The following KAT14 variants were observed in gnomAD, a reference collection of about 807,000 sequenced individuals.
KAT14 encodes lysine acetyltransferase 14.
In KAT14, 66 loss-of-function variants were observed where a neutral mutation model predicts 78.4. That is an observed-to-expected ratio of 0.84 (90% CI 0.69 to 1.03). KAT14 has a LOEUF of 1.03. Ranked by LOEUF, KAT14 falls within the 50% of genes least tolerant of loss-of-function variation. The probability of loss-of-function intolerance (pLI) is 0.00; values close to 1 mark genes in which losing one functional copy is unlikely to be tolerated. For missense variants in KAT14, 870 were observed against 972.5 expected, an observed-to-expected ratio of 0.89 and a Z score of 1.40; for synonymous variants, 344 against 359.4, an observed-to-expected ratio of 0.96 and a Z score of 0.48.
chr20:18,177,488 G>C (rs1322596466), intron 7 of KAT14, among the ~76,000 whole-genome samples: 1 of 152,148 alleles, frequency 6.6e-6, no homozygotes, highest in African/African-American at 2.4e-5. Flanking sequence ...CGCTTAGTAG[G>C]GATGGAGGAA....
At chr20:18,158,483 T>G (rs1458771978) in intron 4 of KAT14, among the ~76,000 whole-genome samples, 1 of 152,228 alleles carries the variant, frequency 6.6e-6, no homozygotes, top group Non-Finnish European at 1.5e-5. Context: ...CCCGGATAGT[T>G]GGCATTTTGC....
chr20:18,152,236 A>G (rs1022090509), intron 4 of KAT14, among the ~76,000 whole-genome samples: 2 of 151,992 alleles, frequency 1.3e-5, no homozygotes, highest in African/African-American at 4.8e-5. Flanking sequence ...CGAGCCCAGG[A>G]GTTTGAAGCC....
At chr20:18,143,032 T>C in intron 2 of KAT14, 113 bp downstream of exon 2, 1 of 1,455,710 alleles carries the variant, frequency 6.9e-7, no homozygotes. Context: ...GATAATTATA[T>C]TTATTCTCTA....
chr20:18,168,838 G>A (rs1030492566), intron 7 of KAT14, among the ~76,000 whole-genome samples: 52 of 152,098 alleles, frequency 3.4e-4, no homozygotes, highest in Admixed American at 3.4e-3. Context: ...TCCTGAATGT[G>A]TGGTTTGGTG....
At chr20:18,175,150 T>C (rs1488035342) in intron 7 of KAT14, among the ~76,000 whole-genome samples, 1 of 152,036 alleles carries the variant, frequency 6.6e-6, no homozygotes, top group Admixed American at 6.6e-5. Flanking sequence ...AAACCATTTC[T>C]CCTCCTCTCT....
chr20:18,162,649 A>G lies in KAT14; in HGVS notation c.1372A>G (p.Arg458Gly). Residue 458 changes from arginine (R) to glycine (G), a missense_variant, in exon 7 of 11, where the codon AGG (arginine) becomes GGG (glycine). Transcript: ENST00000688188. ...GAAGGACACAAAGCCGAAAGAGCCC[A>G]GGTATACTCCCGTGAGCATCTACGA... ...LEKDTKPKEP[R>G]YTPVSIYEEK... 1 of 1,614,236 alleles carries G rather than the reference A, an allele frequency of 6.2e-7. No individual in the cohort carries two copies. Among genetic ancestry groups the G allele is most frequent in the Non-Finnish European group, 8.5e-7 (1 of 1,180,040 alleles).
chr20:18,184,657 T>TA lies in KAT14; in HGVS notation c.2043dup (p.Val682SerfsTer11), dbSNP rs2039393267. The TA allele has an allele frequency of 1.2e-6, 2 of 1,613,872 alleles. No homozygotes were observed. Among genetic ancestry groups the TA allele is most frequent in the African/African-American group, 1.3e-5 (1 of 74,896 alleles). ...CAGACTTCAGTGTTGTTGTTCTTTATAAAAAAGTCATCATTGCCTTTGGCT... is the reference window on the plus strand; with the variant it reads ...CAGACTTCAGTGTTGTTGTTCTTTATAAAAAAAGTCATCATTGCCTTTGGCT... On this transcript the variant is annotated frameshift_variant, in exon 10 of 11. Coordinates refer to ENST00000688188, the MANE Select transcript of KAT14 (RefSeq NM_001392073.1). LOFTEE classifies it high-confidence loss of function.
chr20:18,180,067 C>G (rs1256775478), intron 7 of KAT14, among the ~76,000 whole-genome samples: 1 of 152,072 alleles, frequency 6.6e-6, no homozygotes, highest in Non-Finnish European at 1.5e-5. Context: ...CAGGGTTTCA[C>G]CATGTTGGCC....
chr20:18,141,909 T>A (rs1331263097), intron 1 of KAT14, among the ~76,000 whole-genome samples: 1 of 152,116 alleles, frequency 6.6e-6, no homozygotes, highest in African/African-American at 2.4e-5. Flanking sequence ...AAAAAAAATT[T>A]AACATAGTGC....
rs142310135 is a variant in KAT14, at chr20:18,144,078, T to C, written c.260-1155T>C. ...ACTTGAGGAATGCCTTTGTGTAATA[T>C]AATTTGTAACCAAGTCAGAGAAATA... On this transcript the variant is annotated intron_variant, in intron 2 of 10. Transcript: ENST00000688188. Among the ~76,000 whole-genome samples the C allele has an allele frequency of 1.1e-3, 166 of 152,382 alleles. 1 individual carries two copies. The highest frequency in any genetic ancestry group is 3.9e-3 in the African/African-American group (163 of 41,598).
chr20:18,163,020 A>G (rs559975356), intron 7 of KAT14, 75 bp downstream of exon 7: 1 of 1,513,010 alleles, frequency 6.6e-7, no homozygotes. Flanking sequence ...GGCATTGGAC[A>G]TGGTTATGCT....
intron 7 of KAT14, among the ~76,000 whole-genome samples, chr20:18,180,798 G>A (rs368396752): frequency 6.3e-5 from 2 of 31,940 alleles, no homozygotes; most frequent in East Asian, 3.2e-4. Context: ...TATTCACTAC[G>A]AGAACAGTAT....
intron 7 of KAT14, among the ~76,000 whole-genome samples, chr20:18,172,401 CTT>C (rs34582219): frequency 1.1e-4 from 14 of 129,318 alleles, no homozygotes; most frequent in Admixed American, 2.4e-4. Context: ...CGCCTGGCCA[CTT>C]TTTTTTTTTT....
At chr20:18,148,471 G>A (rs1228513163) in intron 3 of KAT14, among the ~76,000 whole-genome samples, 2 of 152,084 alleles carry the variant, frequency 1.3e-5, no homozygotes, top group Non-Finnish European at 2.9e-5. Flanking sequence ...TATTTTTCTA[G>A]TGTTCTTCAG....
chr20:18,157,083 A>C lies in KAT14; in HGVS notation c.501-2001A>C, dbSNP rs374801934. Among the ~76,000 whole-genome samples, 27 of 152,362 alleles carry C rather than the reference A, an allele frequency of 1.8e-4. No homozygotes were observed. The East Asian group carries it at 2.7e-3, about 15-fold the overall frequency. On this transcript the variant is annotated intron_variant, in intron 4 of 10. Transcript: ENST00000688188. ...GAGGATACACACAATTTTGCTGTAC[A>C]TTATGAAAGTAACCTCCAGAAAGTA...
rs1480744962 is a variant in KAT14, at chr20:18,142,326, T to A, written c.-335T>A. On this transcript the variant is annotated 5_prime_UTR_variant, in exon 2 of 11. An upstream start codon of the reference 5' UTR is lost. Coordinates refer to ENST00000688188, the MANE Select transcript of KAT14 (RefSeq NM_001392073.1). ...CAACTTGAAGCAGAAAGAGAGAAGA[T>A]GTTATTGGCAAAAGGATCTCAAAAA... 1 of 1,536,676 alleles carries A rather than the reference T, an allele frequency of 6.5e-7. No homozygotes were observed. The highest frequency in any genetic ancestry group is 8.7e-7 in the Non-Finnish European group (1 of 1,146,652).
intron 2 of KAT14, among the ~76,000 whole-genome samples, chr20:18,144,269 T>C (rs529785417): frequency 5.3e-5 from 8 of 152,346 alleles, no homozygotes; most frequent in South Asian, 4.1e-4. Context: ...GTCTCTGTTA[T>C]TGATTTCAGG....
intron 7 of KAT14, among the ~76,000 whole-genome samples, chr20:18,174,589 CTGTT>C (rs1048753334): frequency 1.2e-4 from 18 of 150,986 alleles, no homozygotes; most frequent in African/African-American, 3.9e-4. Flanking sequence ...AAATTCTTGT[CTGTT>C]TGGTAAATTA....
chr20:18,183,220 G>A lies in KAT14; in HGVS notation c.1903G>A (p.Ala635Thr), dbSNP rs746718890. ...SDPHWTPEPD[A>T]PLDYCYVRPN... ...CCCTCACTGGACGCCGGAGCCCGACGCACCTCTCGATTACTGTTATGTGCG... is the reference window on the plus strand; with the variant it reads ...CCCTCACTGGACGCCGGAGCCCGACACACCTCTCGATTACTGTTATGTGCG... The change falls in exon 9 of 11, where the codon GCA becomes ACA. Residue 635 changes from alanine to threonine, a missense_variant. Physicochemically the swap from Ala to Thr is moderately conservative, Grantham distance 58. Transcript: ENST00000688188. 17 of 1,613,900 alleles carry A rather than the reference G, an allele frequency of 1.1e-5. No homozygotes were observed. In the Admixed American group the frequency reaches 1.5e-4, roughly 14 times the overall value.
Sources: gnomAD v4.1 joint callset for allele counts (sites outside exome capture counted in the v4.1 genomes callset) on GRCh38, gnomAD v4.1.1 for gene constraint, MANE v1.5 for transcripts, NCBI Gene and HGNC (gene_info 2026-07-23, HGNC 2026-07-21) for gene names.